The following EYS variants were observed in gnomAD, a reference collection of about 807,000 sequenced individuals.
EYS encodes protein eyes shut homolog.
EYS carries 250 observed loss-of-function variants against 282.1 expected under a neutral mutation model. The observed-to-expected ratio is 0.89, with a 90% CI of 0.80 to 0.98. The LOEUF is 0.98. EYS is among the 50% of genes least tolerant of loss of function. EYS has a pLI of 0.00. For synonymous variants in EYS, 1,355 were observed against 1,282.9 expected (o/e 1.06, Z -1.20); for missense variants, 4,016 against 3,709.0 (o/e 1.08, Z -2.15).
intron 22 of EYS, among the ~76,000 whole-genome samples, chr6:64,798,203 C>T (rs561485801): frequency 6.6e-6 from 1 of 151,956 alleles, no homozygotes; most frequent in South Asian, 2.1e-4. Flanking sequence ...TCATCAATTA[C>T]ACTATTAATT....
At chr6:64,168,090 G>A (rs1251921276) in intron 31 of EYS, among the ~76,000 whole-genome samples, 8 of 152,128 alleles carry the variant, frequency 5.3e-5, no homozygotes, top group Admixed American at 2.0e-4. Context: ...GTGAAACCCC[G>A]TCTCTACTAA....
At chr6:64,027,302 C>T (rs1405325371) in intron 33 of EYS, among the ~76,000 whole-genome samples, 2 of 152,212 alleles carry the variant, frequency 1.3e-5, no homozygotes, top group Non-Finnish European at 1.5e-5. Flanking sequence ...GAAAATCCTT[C>T]TGCCTTCCTC....
In EYS at chr6:65,565,355, C is replaced by T. The variant is rs1582462532; in HGVS notation, c.-332-69362G>A. 2.6e-5 allele frequency among the ~76,000 whole-genome samples: 4 copies of T among 151,246 alleles called. No homozygotes were observed. The South Asian group carries it at 6.3e-4, about 24-fold the overall frequency. ...AACAAACATATGAAAAAAAGCTCAC[C>T]ATCACTGGTCATTAGATAAATGCAA... On this transcript the variant is annotated intron_variant, in intron 2 of 42. Transcript: ENST00000503581.
At chr6:64,449,240 G>A (rs1775228080) in intron 26 of EYS, among the ~76,000 whole-genome samples, 1 of 152,128 alleles carries the variant, frequency 6.6e-6, no homozygotes, top group Admixed American at 6.5e-5. Context: ...GCAATCAACT[G>A]GAAGAAAGGG....
chr6:64,151,303 G>GTA (rs1774697001), intron 31 of EYS, among the ~76,000 whole-genome samples: 1 of 107,428 alleles, frequency 9.3e-6, no homozygotes, highest in South Asian at 2.8e-4. Context: ...TTTCACACGT[G>GTA]TGTGTGTGTA....
chr6:64,765,890 A>G (rs1247020947), intron 22 of EYS, among the ~76,000 whole-genome samples: 1 of 151,908 alleles, frequency 6.6e-6, no homozygotes, highest in Admixed American at 6.6e-5. Flanking sequence ...GAGCCAAAAA[A>G]CCATATCAAT....
intron 29 of EYS, among the ~76,000 whole-genome samples, 170 bp downstream of exon 29, chr6:64,388,520 T>C (rs1022108808): frequency 2.6e-5 from 4 of 152,200 alleles, no homozygotes; most frequent in African/African-American, 9.6e-5. Context: ...TTTGGTATGA[T>C]AGATAAAAAT....
At chr6:64,140,083 G>C (rs1013885889) in intron 31 of EYS, among the ~76,000 whole-genome samples, 1 of 152,100 alleles carries the variant, frequency 6.6e-6, no homozygotes, top group Non-Finnish European at 1.5e-5. Flanking sequence ...GTAAATGGTG[G>C]TATTTGGAAG....
Position 64,649,141 on chromosome 6 carries a change from T to C in EYS, c.3444-22896A>G, listed in dbSNP as rs147131365. On this transcript the variant is annotated intron_variant, in intron 22 of 42. Transcript: ENST00000503581. Reference sequence around the variant, plus strand: ...AAGCATTTTTTTGCTCTTACTGTAATTTTCCTGTTATGTTTGAAATTATAA... The same window carrying C: ...AAGCATTTTTTTGCTCTTACTGTAACTTTCCTGTTATGTTTGAAATTATAA... Among the ~76,000 whole-genome samples the C allele has an allele frequency of 4.1e-3, 631 of 152,250 alleles. 3 individuals are homozygous for C. The highest frequency in any genetic ancestry group is 5.4e-3 in the Non-Finnish European group (368 of 68,014).
At chr6:64,186,990 C>G (rs181314911) in intron 31 of EYS, among the ~76,000 whole-genome samples, 1 of 152,204 alleles carries the variant, frequency 6.6e-6, no homozygotes. Flanking sequence ...AGTAAGTTAG[C>G]AAATGAGGCT....
chr6:64,876,819 G>A (rs1382835363), intron 19 of EYS, among the ~76,000 whole-genome samples: 1 of 152,140 alleles, frequency 6.6e-6, no homozygotes, highest in Non-Finnish European at 1.5e-5. Flanking sequence ...GGAATTGAGG[G>A]AGAAATTAGA....
intron 22 of EYS, among the ~76,000 whole-genome samples, chr6:64,693,714 C>G (rs887346582): frequency 1.3e-5 from 2 of 151,820 alleles, no homozygotes; most frequent in East Asian, 1.9e-4. Context: ...GGGTTGGGAA[C>G]GTTCTTAGGT....
intron 35 of EYS, among the ~76,000 whole-genome samples, chr6:63,959,989 A>G (rs557065718): frequency 2.0e-5 from 3 of 152,148 alleles, no homozygotes; most frequent in South Asian, 2.1e-4. Flanking sequence ...ACAAACCTGC[A>G]TGTTCTCCAC....
At chr6:63,772,185 G>A (rs1243994723) in intron 40 of EYS, among the ~76,000 whole-genome samples, 1 of 151,112 alleles carries the variant, frequency 6.6e-6, no homozygotes, top group Non-Finnish European at 1.5e-5. Flanking sequence ...TTTTGAGGTG[G>A]AGTCTTGCTC....
At chr6:65,329,817 AAAGCTCTATTTTTAC>A in intron 11 of EYS, 1 of 983,068 alleles carries the variant, frequency 1.0e-6, no homozygotes, top group Non-Finnish European at 1.2e-6. Context: ...ATATTCACAT[AAAGCTCTATTTTTAC>A]AAGCCTCCTG....
chr6:64,504,490 C>A (rs1334777161), intron 26 of EYS, among the ~76,000 whole-genome samples: 1 of 152,074 alleles, frequency 6.6e-6, no homozygotes, highest in African/African-American at 2.4e-5. Flanking sequence ...GAAATATTGG[C>A]CGACTACCAT....
intron 15 of EYS, among the ~76,000 whole-genome samples, chr6:64,943,229 TA>T (rs1769158776): frequency 6.6e-6 from 1 of 151,884 alleles, no homozygotes; most frequent in South Asian, 2.1e-4. Flanking sequence ...CCATCTATGG[TA>T]AACCCACAGC....
chr6:64,848,327 T>C (rs9345556), intron 19 of EYS, among the ~76,000 whole-genome samples: 23,167 of 152,090 alleles, frequency 0.15, 2,007 homozygotes, highest in East Asian at 0.43. Context: ...GCTTTGATCA[T>C]TTAAAAATCA....
chr6:63,761,797 C>T (rs544300469), intron 41 of EYS, among the ~76,000 whole-genome samples: 41 of 152,042 alleles, frequency 2.7e-4, no homozygotes, highest in Non-Finnish European at 5.0e-4. Flanking sequence ...CTTTATTTTC[C>T]TGGCTTAATC....
Sources: gnomAD v4.1 joint callset for allele counts (sites outside exome capture counted in the v4.1 genomes callset) on GRCh38, gnomAD v4.1.1 for gene constraint, MANE v1.5 for transcripts, NCBI Gene and HGNC (gene_info 2026-07-23, HGNC 2026-07-21) for gene names.